Variants in NUP93 observed in about 807,000 individuals in gnomAD.
The protein encoded by NUP93 is nuclear pore complex protein Nup93.
Under a neutral mutation model 107.8 loss-of-function variants are expected in NUP93, and 55 were observed. The observed-to-expected ratio is 0.51, with a 90% CI of 0.41 to 0.64. The LOEUF is 0.64. NUP93 is among the 30% of genes least tolerant of loss of function. The pLI is 0.00. For synonymous variants in NUP93, 390 were observed against 397.5 expected (o/e 0.98, Z 0.22); for missense variants, 937 against 1,044.7 (o/e 0.90, Z 1.42).
chr16:56,741,005 G>C (rs1376226117), intron 1 of NUP93: 2 of 53,638 alleles, frequency 3.7e-5, no homozygotes, highest in Admixed American at 4.2e-4. Context: ...GGAGACCGTG[G>C]GGAGAGGGAG....
At chr16:56,764,867 T>A (rs1263738910) in intron 3 of NUP93, among the ~76,000 whole-genome samples, 2 of 152,246 alleles carry the variant, frequency 1.3e-5, no homozygotes, top group African/African-American at 4.8e-5. Context: ...ATCTTAATTC[T>A]AAGGCTGAAA....
chr16:56,740,320 G>A (rs1961705671), intron 1 of NUP93, among the ~76,000 whole-genome samples: 1 of 149,830 alleles, frequency 6.7e-6, no homozygotes, highest in South Asian at 2.1e-4. Context: ...GGGGCGGCCG[G>A]GCAGAGACGC....
chr16:56,804,122 T>C (rs936181136), intron 4 of NUP93, among the ~76,000 whole-genome samples: 28 of 152,142 alleles, frequency 1.8e-4, no homozygotes, highest in Admixed American at 1.4e-3. Context: ...CAGGTAGAAA[T>C]GTGAAATGGT....
intron 8 of NUP93, among the ~76,000 whole-genome samples, chr16:56,827,011 A>G (rs1301753298): frequency 7.6e-6 from 1 of 132,128 alleles, no homozygotes; most frequent in African/African-American, 2.9e-5. Context: ...GCGCCTCTGT[A>G]CTCCAACCTG....
chr16:56,843,712 C>T (rs755361386), intron 21 of NUP93, among the ~76,000 whole-genome samples: 5 of 152,202 alleles, frequency 3.3e-5, no homozygotes, highest in Non-Finnish European at 2.9e-5. Flanking sequence ...GACATACACT[C>T]GCTAGTTTGT....
At chr16:56,770,342 G>GGTTGGAGAA (rs879301144) in intron 3 of NUP93, among the ~76,000 whole-genome samples, 2 of 152,104 alleles carry the variant, frequency 1.3e-5, no homozygotes, top group Non-Finnish European at 2.9e-5. Flanking sequence ...AGTCATCATT[G>GGTTGGAGAA]GTCACAAAAA....
In NUP93 at chr16:56,818,749, T is replaced by A; in HGVS notation, c.564+11T>A. 1 of 1,611,676 alleles carries A rather than the reference T, an allele frequency of 6.2e-7. No homozygotes were observed. The highest frequency in any genetic ancestry group is 8.5e-7 in the Non-Finnish European group (1 of 1,178,006). Reference sequence around the variant, plus strand: ...GCCTATGCGCGGCAAGTGAGTGTGATTTTAAGGGGGATTAAGCCAGGAAAA... The same window carrying A: ...GCCTATGCGCGGCAAGTGAGTGTGAATTTAAGGGGGATTAAGCCAGGAAAA... On this transcript the variant is annotated intron_variant, in intron 6 of 21. Coordinates refer to ENST00000308159, the MANE Select transcript of NUP93 (RefSeq NM_014669.5).
At chr16:56,789,203 G>C (rs1189804724) in intron 3 of NUP93, among the ~76,000 whole-genome samples, 2 of 152,186 alleles carry the variant, frequency 1.3e-5, no homozygotes, top group South Asian at 4.1e-4. Context: ...GCACACTTGG[G>C]CTAAAGTGTT....
intron 21 of NUP93, 45 bp from the exon 22 acceptor site, chr16:56,844,454 T>C (rs1263386623): frequency 8.3e-7 from 1 of 1,211,974 alleles, no homozygotes; most frequent in East Asian, 2.8e-5. Flanking sequence ...GTGCCCTGAC[T>C]CGAAAGTTAA....
chr16:56,732,452 G>A (rs1961550317), intron 1 of NUP93, among the ~76,000 whole-genome samples: 1 of 152,214 alleles, frequency 6.6e-6, no homozygotes, highest in South Asian at 2.1e-4. Flanking sequence ...TAGGAAGTGT[G>A]ATGTCAGGGC....
intron 1 of NUP93, among the ~76,000 whole-genome samples, chr16:56,741,147 A>G (rs913961818): frequency 5.9e-5 from 9 of 152,246 alleles, no homozygotes; most frequent in Admixed American, 1.3e-4. Flanking sequence ...ATTGTCTTCC[A>G]GAAGTTCTTA....
In NUP93 at chr16:56,748,404, C is replaced by A. The variant is rs2144458349; in HGVS notation, c.157C>A (p.Gln53Lys). The A allele has an allele frequency of 6.2e-7, 1 of 1,613,014 alleles. No homozygotes were observed. The highest frequency in any genetic ancestry group is 8.5e-7 in the Non-Finnish European group (1 of 1,179,344). Reference protein sequence around the residue: ...LRSRTLTRTSQETADVKASVL... With the variant: ...LRSRTLTRTSKETADVKASVL... ...TTCCCGTACCCTAACACGCACGTCC[C>A]AGGAGACGGCAGATGTCAAGGCGTG... is the stretch of plus-strand genomic sequence containing the variant. The change falls in exon 2 of 22, where the codon CAG (glutamine) becomes AAG (lysine). Residue 53 changes from glutamine to lysine, a missense_variant. Physicochemically the swap from Gln to Lys is moderately conservative, Grantham distance 53 (BLOSUM62 1). Transcript: ENST00000308159.
At chr16:56,748,565 A>G (rs1200295194) in intron 2 of NUP93, 139 bp downstream of exon 2, 1 of 727,740 alleles carries the variant, frequency 1.4e-6, no homozygotes, top group African/African-American at 1.8e-5. Flanking sequence ...AAAGTGTTGT[A>G]AACAGGACAG....
intron 17 of NUP93, among the ~76,000 whole-genome samples, chr16:56,837,243 T>C (rs920359226): frequency 1.3e-5 from 2 of 152,226 alleles, no homozygotes; most frequent in Admixed American, 6.5e-5. Context: ...CATTCTCTCC[T>C]TTATCAACTG....
At chr16:56,805,948 A>C (rs1218493727) in intron 5 of NUP93, among the ~76,000 whole-genome samples, 1 of 151,644 alleles carries the variant, frequency 6.6e-6, no homozygotes, top group African/African-American at 2.4e-5. Flanking sequence ...TTGGGGCTTT[A>C]AATACCTATC....
At chr16:56,759,296 G>C (rs1962083270) in intron 3 of NUP93, among the ~76,000 whole-genome samples, 1 of 152,256 alleles carries the variant, frequency 6.6e-6, no homozygotes, top group Non-Finnish European at 1.5e-5. Context: ...ATTTGCATTA[G>C]AGTGAAGGGA....
At chr16:56,832,647 A>T (rs1284409215) in intron 12 of NUP93, among the ~76,000 whole-genome samples, 1 of 152,252 alleles carries the variant, frequency 6.6e-6, no homozygotes, top group African/African-American at 2.4e-5. Flanking sequence ...TAGTAGACAT[A>T]TGCTCAGGGA....
chr16:56,785,162 C>T (rs1567387300), intron 3 of NUP93, among the ~76,000 whole-genome samples: 1 of 152,196 alleles, frequency 6.6e-6, no homozygotes, highest in Non-Finnish European at 1.5e-5. Flanking sequence ...CAAATTAGAA[C>T]TCCATTTTAA....
intron 3 of NUP93, among the ~76,000 whole-genome samples, chr16:56,776,504 GTT>G (rs1962420163): frequency 6.6e-6 from 1 of 152,176 alleles, no homozygotes; most frequent in South Asian, 2.1e-4. Context: ...TTGGGACAAT[GTT>G]CAGCTTTAGT....
Sources: allele counts gnomAD v4.1 joint callset (sites outside exome capture counted in the v4.1 genomes callset), GRCh38; gene constraint gnomAD v4.1.1; transcripts MANE v1.5; gene names NCBI Gene and HGNC (gene_info 2026-07-23, HGNC 2026-07-21).